The following ADCK1 variants were observed in gnomAD, a reference collection of about 807,000 sequenced individuals.
ADCK1 encodes aarF domain-containing protein kinase 1.
ADCK1 carries 41 observed loss-of-function variants against 52.3 expected under a neutral mutation model. The ratio of observed to expected loss-of-function variants is 0.78; its 90% CI spans 0.61 to 1.02. The LOEUF (loss-of-function observed/expected upper bound fraction) is 1.02, where lower values mean the gene tolerates loss of function less well. Ranked by LOEUF, ADCK1 falls within the 50% of genes least tolerant of loss-of-function variation. ADCK1 has a pLI of 0.00. For missense variants in ADCK1, 658 were observed against 679.5 expected, an observed-to-expected ratio of 0.97 and a Z score of 0.35; for synonymous variants, 250 against 274.6, an observed-to-expected ratio of 0.91 and a Z score of 0.89.
intron 10 of ADCK1, among the ~76,000 whole-genome samples, chr14:77,932,142 G>A (rs1243896691): frequency 1.3e-5 from 2 of 150,786 alleles, no homozygotes; most frequent in Non-Finnish European, 3.0e-5. Flanking sequence ...TTCATCTCCC[G>A]AATTCAAGCG....
In ADCK1 at chr14:77,852,665, ATATAT is replaced by A. The variant is rs1566667137; in HGVS notation, c.220-6410_220-6406del. 4.7e-3 allele frequency among the ~76,000 whole-genome samples: 419 copies of A among 88,742 alleles called. 2 individuals are homozygous for A. Among genetic ancestry groups the A allele is most frequent in the African/African-American group, 0.018 (304 of 16,936 alleles). The allele number at this position is 88,742 out of a possible 152,430, so 58.2% of individuals were successfully genotyped here. A position where few individuals can be genotyped will look rare whatever the true frequency, so the allele number is the denominator to read the frequency against. Reference sequence around the variant, plus strand: ...ATTATTTCTTTAAATAAATAAATATATATATATATATATATATATATATATATATA... The same window carrying A: ...ATTATTTCTTTAAATAAATAAATATAATATATATATATATATATATATATA... On this transcript the variant is annotated intron_variant, in intron 3 of 10. Transcript: ENST00000238561.
At chr14:77,838,458 G>A (rs1325082317) in intron 3 of ADCK1, among the ~76,000 whole-genome samples, 2 of 152,168 alleles carry the variant, frequency 1.3e-5, no homozygotes, top group Non-Finnish European at 2.9e-5. Context: ...GTGCAGTGGT[G>A]CAATCATGGC....
intron 4 of ADCK1, among the ~76,000 whole-genome samples, chr14:77,873,140 C>T (rs1313996554): frequency 1.3e-5 from 2 of 152,206 alleles, no homozygotes; most frequent in African/African-American, 2.4e-5. Context: ...TTATCCCTCA[C>T]CTCCCTCCCC....
intron 4 of ADCK1, among the ~76,000 whole-genome samples, chr14:77,877,669 C>T (rs951804995): frequency 2.6e-5 from 4 of 152,174 alleles, no homozygotes; most frequent in African/African-American, 7.2e-5. Flanking sequence ...CATGCTGTTC[C>T]CTTTGCCTGG....
At chr14:77,903,967 T>G (rs147156725) in intron 6 of ADCK1, among the ~76,000 whole-genome samples, 1 of 152,164 alleles carries the variant, frequency 6.6e-6, no homozygotes, top group Admixed American at 6.5e-5. Context: ...ATATCATCAG[T>G]TGGGAGACTG....
At chr14:77,802,514 G>A (rs1045972919) in intron 1 of ADCK1, among the ~76,000 whole-genome samples, 2 of 151,932 alleles carry the variant, frequency 1.3e-5, no homozygotes, top group East Asian at 2.0e-4. Flanking sequence ...GCAGTGGCAC[G>A]ATCTTGGCTC....
At chr14:77,851,466 G>A (rs111548616) in intron 3 of ADCK1, among the ~76,000 whole-genome samples, 2 of 151,960 alleles carry the variant, frequency 1.3e-5, no homozygotes, top group Admixed American at 6.6e-5. Flanking sequence ...TTTTACTTAG[G>A]GTGTTTAGGG....
intron 3 of ADCK1, among the ~76,000 whole-genome samples, chr14:77,836,774 T>TC (rs1491145945): frequency 3.6e-4 from 7 of 19,486 alleles, no homozygotes; most frequent in African/African-American, 7.5e-4. Context: ...TCTTTCTTTC[T>TC]TTTTTTTTTT....
At chr14:77,905,312 T>TTTTG (rs1177661352) in intron 6 of ADCK1, among the ~76,000 whole-genome samples, 4 of 143,958 alleles carry the variant, frequency 2.8e-5, no homozygotes, top group Admixed American at 6.8e-5. Context: ...TGGTTTTTTT[T>TTTTG]TTTTTTTTTT....
chr14:77,819,089 C>G lies in ADCK1; in HGVS notation c.111C>G (p.Val37=). Residue 37 remains valine (V), a synonymous_variant, in exon 2 of 11, where the codon GTC becomes GTG. Coordinates refer to ENST00000238561, the MANE Select transcript of ADCK1 (RefSeq NM_020421.4). ...KYLDPNDFGA[V]RVGRAVATTA... is the part of the protein sequence containing the mutation. ...TGGACCCTAATGACTTTGGCGCTGT[C>G]AGGGTGGGCAGAGCAGTTGCTACGG... The G allele has an allele frequency of 2.5e-6, 4 of 1,611,818 alleles. No homozygotes were observed. Among genetic ancestry groups the G allele is most frequent in the Non-Finnish European group, 2.5e-6 (3 of 1,179,494 alleles).
intron 5 of ADCK1, among the ~76,000 whole-genome samples, chr14:77,892,544 G>C (rs2083303771): frequency 6.6e-6 from 1 of 151,584 alleles, no homozygotes; most frequent in Non-Finnish European, 1.5e-5. Flanking sequence ...CAGCTTCCTG[G>C]CTCGCCCTCC....
chr14:77,852,120 T>A (rs948665831), intron 3 of ADCK1, among the ~76,000 whole-genome samples: 1 of 152,146 alleles, frequency 6.6e-6, no homozygotes, highest in Non-Finnish European at 1.5e-5. Context: ...TGCCTCAGCC[T>A]CCAGAGTAGC....
At chr14:77,851,144 G>C (rs566777208) in intron 3 of ADCK1, among the ~76,000 whole-genome samples, 1 of 149,540 alleles carries the variant, frequency 6.7e-6, no homozygotes, top group South Asian at 2.1e-4. Flanking sequence ...TTGAGACAGA[G>C]TCTTGCTCTG....
At chr14:77,824,593 C>G (rs2081654183) in intron 3 of ADCK1, among the ~76,000 whole-genome samples, 1 of 151,980 alleles carries the variant, frequency 6.6e-6, no homozygotes, top group Admixed American at 6.6e-5. Context: ...ACCACCACGC[C>G]TGGCTAATTT....
chr14:77,850,448 T>C (rs2082258627), intron 3 of ADCK1, among the ~76,000 whole-genome samples: 1 of 152,158 alleles, frequency 6.6e-6, no homozygotes, highest in South Asian at 2.1e-4. Context: ...GTTTCATTAG[T>C]TTTTTTACGT....
intron 1 of ADCK1, among the ~76,000 whole-genome samples, chr14:77,808,555 A>G (rs2081275366): frequency 6.6e-6 from 1 of 152,002 alleles, no homozygotes; most frequent in African/African-American, 2.4e-5. Context: ...ATAAAATTAT[A>G]GACATCCACT....
chr14:77,808,921 T>C (rs2081282479), intron 1 of ADCK1, among the ~76,000 whole-genome samples: 1 of 152,216 alleles, frequency 6.6e-6, no homozygotes, highest in Non-Finnish European at 1.5e-5. Context: ...GTCTTCCTTT[T>C]GGATCTAGTG....
At chr14:77,852,258 A>G (rs779503604) in intron 3 of ADCK1, among the ~76,000 whole-genome samples, 1 of 152,042 alleles carries the variant, frequency 6.6e-6, no homozygotes, top group Non-Finnish European at 1.5e-5. Context: ...TGGCCTCCCA[A>G]AGTGCTGGGA....
intron 3 of ADCK1, among the ~76,000 whole-genome samples, chr14:77,853,064 C>T (rs2082347737): frequency 7.0e-6 from 1 of 141,984 alleles, no homozygotes; most frequent in Non-Finnish European, 1.5e-5. Context: ...ATATTTTTTT[C>T]CCCCTGCAAT....
Sources: allele counts gnomAD v4.1 joint callset (sites outside exome capture counted in the v4.1 genomes callset), GRCh38; gene constraint gnomAD v4.1.1; transcripts MANE v1.5; gene names NCBI Gene and HGNC (gene_info 2026-07-23, HGNC 2026-07-21).